ANTKMT: variants seen among roughly 807,000 people sequenced by gnomAD.
ANTKMT encodes adenine nucleotide translocase lysine N-methyltransferase.
In ANTKMT, 24 loss-of-function variants were observed where a neutral mutation model predicts 20.7. That is an observed-to-expected ratio of 1.16 (90% CI 0.84 to 1.63). The LOEUF (loss-of-function observed/expected upper bound fraction) is 1.63, where lower values mean the gene tolerates loss of function less well. ANTKMT is among the 40% of genes most tolerant of loss of function. The probability of loss-of-function intolerance (pLI) is 0.00; values close to 1 mark genes in which losing one functional copy is unlikely to be tolerated. For missense variants in ANTKMT, 428 were observed against 334.8 expected (o/e 1.28, Z -2.17); for synonymous variants, 193 against 161.2 (o/e 1.20, Z -1.49).
At position 721,658 on chromosome 16, in the gene ANTKMT, C is replaced by T. The variant is rs1184804331; in HGVS notation, c.223C>T (p.Arg75Cys). 8.4e-6 allele frequency: 13 copies of T among 1,550,614 alleles called. No homozygotes were observed. The highest frequency in any genetic ancestry group is 1.1e-5 in the Non-Finnish European group (13 of 1,148,124). The change falls in exon 2 of 5, where the codon CGC (arginine) becomes TGC (cysteine). Residue 75 changes from arginine to cysteine, a missense_variant. Transcript: ENST00000569529. ...VEHVLSLLRG[R>C]PGKTVDLGSG... ...GCACGTGTTGTCGCTGCTGCGAGGA[C>T]GCCCCGGAAAAACGGTGGATCTGGG...
Position 721,829 on chromosome 16 carries a change from GC to G in ANTKMT, c.299del (p.Pro100ArgfsTer7), listed in dbSNP as rs1385998763. 4 of 1,557,034 alleles carry G rather than the reference GC, an allele frequency of 2.6e-6. No homozygotes were observed. Among genetic ancestry groups the G allele is most frequent in the Non-Finnish European group, 3.5e-6 (4 of 1,155,976 alleles). On this transcript the variant is annotated frameshift_variant, in exon 3 of 5. Coordinates refer to ENST00000569529, the MANE Select transcript of ANTKMT (RefSeq NM_023933.3). LOFTEE classifies it high-confidence loss of function. ...CTGGCGGCCCACAGGTGCGGCCTCC[GC>G]CCGGCCGTGGGCTACGAGCTGAACC... Reference protein sequence around the residue: ...IVLAAHRCGLRPAVGYELNPW... With the variant: ...IVLAAHRCGLXPAVGYELNPW...
In ANTKMT at chr16:721,845, C is replaced by G; in HGVS notation, c.312C>G (p.Tyr104Ter). 1 of 1,562,518 alleles carries G rather than the reference C, an allele frequency of 6.4e-7. No homozygotes were observed. Among genetic ancestry groups the G allele is most frequent in the Non-Finnish European group, 8.6e-7 (1 of 1,160,004 alleles). ...GCGGCCTCCGCCCGGCCGTGGGCTA[C>G]GAGCTGAACCCCTGGCTGGTGGCGC... ...HRCGLRPAVG[Y>*]ELNPWLVALA... Residue 104 changes from tyrosine (Y) to a stop codon, truncating the protein, a stop_gained, in exon 3 of 5, where the codon TAC becomes TAG. Transcript: ENST00000569529. LOFTEE classifies it high-confidence loss of function.
chr16:721,804 C>T lies in ANTKMT; in HGVS notation c.271C>T (p.Leu91=), dbSNP rs1246406637. ...CCCACACTCTCGGTGCCCACAGGTGCTGGCGGCCCACAGGTGCGGCCTCCG... is the reference window on the plus strand; with the variant it reads ...CCCACACTCTCGGTGCCCACAGGTGTTGGCGGCCCACAGGTGCGGCCTCCG... The part of the protein sequence containing the change: ...DLGSGDGRIV[L]AAHRCGLRPA... The change falls in exon 3 of 5, where the codon CTG becomes TTG. Residue 91 remains leucine (L), a synonymous_variant. Coordinates refer to ENST00000569529, the MANE Select transcript of ANTKMT (RefSeq NM_023933.3). 8 of 1,545,788 alleles carry T rather than the reference C, an allele frequency of 5.2e-6. No individual in the cohort carries two copies. The highest frequency in any genetic ancestry group is 4.0e-5 in the Admixed American group (2 of 50,366).
rs1347387046 is a variant in ANTKMT, at chr16:721,703, G to GT, written c.267+2dup. On this transcript the variant is annotated splice_donor_variant, in intron 2 of 4. Coordinates refer to ENST00000569529, the MANE Select transcript of ANTKMT (RefSeq NM_023933.3). LOFTEE classifies it high-confidence loss of function. ...TCTGGGCTCTGGCGACGGCAGGATC[G>GT]TAAGTGCCTGCGTCTGGGTCTTCGC... The GT allele has an allele frequency of 2.6e-6, 4 of 1,548,632 alleles. No homozygotes were observed. The highest frequency in any genetic ancestry group is 2.5e-5 in the East Asian group (1 of 40,712).
Position 721,391 on chromosome 16 carries a change from G to C in ANTKMT, c.117G>C (p.Ala39=), listed in dbSNP as rs763369945. Residue 39 remains alanine (A), a synonymous_variant, in exon 1 of 5, where the codon GCG becomes GCC. Coordinates refer to ENST00000569529, the MANE Select transcript of ANTKMT (RefSeq NM_023933.3). The part of the protein sequence containing the change: ...GSGLAAYAVW[A]LLLQPGFRRV... ...GCTTGGCAGCCTACGCGGTGTGGGC[G>C]CTGCTGCTCCAGCCCGGCTTCCGGC... The C allele has an allele frequency of 1.2e-5, 15 of 1,294,262 alleles. No homozygotes were observed. The South Asian group carries it at 3.1e-4, about 27-fold the overall frequency. 80.2% of individuals were successfully genotyped at this position (1,294,262 alleles called of 1,614,324 possible).
chr16:721,356 G>A lies in ANTKMT; in HGVS notation c.82G>A (p.Ala28Thr), dbSNP rs1198680436. 2.2e-6 allele frequency: 3 copies of A among 1,335,192 alleles called. No homozygotes were observed. Among genetic ancestry groups the A allele is most frequent in the South Asian group, 1.9e-5 (1 of 54,024 alleles). The allele number at this position is 1,335,192 out of a possible 1,614,324, so 82.7% of individuals were successfully genotyped here. A position where few individuals can be genotyped will look rare whatever the true frequency, so the allele number is the denominator to read the frequency against. Reference protein sequence around the residue: ...LGALELLQAAAGSGLAAYAVW... With the variant: ...LGALELLQAATGSGLAAYAVW... ...CGCGCTGGAGCTGCTGCAGGCGGCG[G>A]CCGGCTCGGGCTTGGCAGCCTACGC... The change falls in exon 1 of 5, where the codon GCC (alanine) becomes ACC (threonine). Residue 28 changes from alanine to threonine, a missense_variant. Physicochemically the swap from Ala to Thr is moderately conservative, Grantham distance 58. Transcript: ENST00000569529.
In ANTKMT at chr16:722,078, C is replaced by T. The variant is rs781490552; in HGVS notation, c.409-6C>T. ...TCCCCGGCCGGGGCGACTTCTCTTC[C>T]GGCAGGTGAGCCTGAGGGACTGCCG... On this transcript the variant is annotated splice_polypyrimidine_tract_variant and splice_region_variant and intron_variant, in intron 3 of 4. Transcript: ENST00000569529. 35 of 1,603,382 alleles carry T rather than the reference C, an allele frequency of 2.2e-5. No individual in the cohort carries two copies. The highest frequency in any genetic ancestry group is 2.1e-4 in the South Asian group (19 of 89,398).
intron 4 of ANTKMT, 84 bp downstream of exon 4, chr16:722,218 T>G: frequency 6.3e-7 from 1 of 1,586,308 alleles, no homozygotes; most frequent in Non-Finnish European, 8.6e-7. Context: ...GCCTGCCTGG[T>G]GGGTGCTAGG....
In ANTKMT at chr16:721,366, G is replaced by T; in HGVS notation, c.92G>T (p.Gly31Val). 7.5e-7 allele frequency: 1 copy of T among 1,333,434 alleles called. No individual in the cohort carries two copies. Among genetic ancestry groups the T allele is most frequent in the Non-Finnish European group, 9.6e-7 (1 of 1,045,940 alleles). 82.6% of individuals were successfully genotyped at this position (1,333,434 alleles called of 1,614,324 possible). ...CTGCTGCAGGCGGCGGCCGGCTCGG[G>T]CTTGGCAGCCTACGCGGTGTGGGCG... Reference protein sequence around the residue: ...LELLQAAAGSGLAAYAVWALL... With the variant: ...LELLQAAAGSVLAAYAVWALL... Residue 31 changes from glycine to valine, a missense_variant, in exon 1 of 5, where the codon GGC (glycine) becomes GTC (valine). Gly to Val is a moderately radical substitution (Grantham distance 109). Coordinates refer to ENST00000569529, the MANE Select transcript of ANTKMT (RefSeq NM_023933.3).
chr16:721,157 C>T lies in ANTKMT; in HGVS notation c.-118C>T. The T allele has an allele frequency of 9.5e-7, 1 of 1,053,474 alleles. No homozygotes were observed. The highest frequency in any genetic ancestry group is 1.2e-6 in the Non-Finnish European group (1 of 836,616). The allele number at this position is 1,053,474 out of a possible 1,614,324, so 65.3% of individuals were successfully genotyped here. ...AGGCTCTGCCGGCCACTTCCGGTGT[C>T]GCGCGGCGGCTCCCGGCAGGAGGCA... On this transcript the variant is annotated 5_prime_UTR_variant, in exon 1 of 5. Coordinates refer to ENST00000569529, the MANE Select transcript of ANTKMT (RefSeq NM_023933.3).
chr16:722,556 G>A lies in ANTKMT; in HGVS notation c.707G>A (p.Ter236=), dbSNP rs1219027865. The A allele has an allele frequency of 4.3e-6, 6 of 1,408,416 alleles. No homozygotes were observed. Among genetic ancestry groups the A allele is most frequent in the South Asian group, 1.1e-5 (1 of 88,640 alleles). 87.2% of individuals were successfully genotyped at this position (1,408,416 alleles called of 1,614,324 possible). A position where few individuals can be genotyped will look rare whatever the true frequency, so the allele number is the denominator to read the frequency against. ...GGGGGCCTTATTTCTCAGGCCAGCT[G>A]AGTATTAGACACGATAAAGACTCTG... The part of the protein sequence containing the change: ...IPGGLISQAS[*] The change falls in exon 5 of 5, where the codon TGA becomes TAA. Residue 236 remains the stop codon, a stop_retained_variant. Transcript: ENST00000569529.
Position 721,301 on chromosome 16 carries a change from G to C in ANTKMT, c.27G>C (p.Ala9=). MEQDDPVE[A]LTELRERRLG... The stretch of plus-strand genomic sequence containing the variant: ...TGGAGCAGGACGACCCGGTCGAGGC[G>C]CTGACGGAGCTGCGCGAGCGGCGGC... The change falls in exon 1 of 5, where the codon GCG becomes GCC. Residue 9 remains alanine, a synonymous_variant. Transcript: ENST00000569529. 1 of 1,343,488 alleles carries C rather than the reference G, an allele frequency of 7.4e-7. No individual in the cohort carries two copies. Among genetic ancestry groups the C allele is most frequent in the South Asian group, 1.8e-5 (1 of 57,106 alleles). 83.2% of individuals were successfully genotyped at this position (1,343,488 alleles called of 1,614,324 possible).
Position 721,229 on chromosome 16 carries a change from C to A in ANTKMT, c.-46C>A. ...GGCCAGGCTGCGAGGGCCGCGGACC[C>A]GAGCCGGGAAGGACCTTGGGCGGAC... On this transcript the variant is annotated 5_prime_UTR_variant, in exon 1 of 5. Coordinates refer to ENST00000569529, the MANE Select transcript of ANTKMT (RefSeq NM_023933.3). The A allele has an allele frequency of 8.2e-7, 1 of 1,224,728 alleles. No individual in the cohort carries two copies. The allele number at this position is 1,224,728 out of a possible 1,614,324, so 75.9% of individuals were successfully genotyped here.
At position 721,633 on chromosome 16, in the gene ANTKMT, G is replaced by A; in HGVS notation, c.198G>A (p.Glu66=). Residue 66 remains glutamate, a synonymous_variant, in exon 2 of 5, where the codon GAG becomes GAA. Transcript: ENST00000569529. ...TCGGCGCGAGCGCGCGGCAGGTGGA[G>A]CACGTGTTGTCGCTGCTGCGAGGAC... ...PYVGASARQV[E]HVLSLLRGRP... 2 of 1,547,822 alleles carry A rather than the reference G, an allele frequency of 1.3e-6. No individual in the cohort carries two copies. Among genetic ancestry groups the A allele is most frequent in the African/African-American group, 1.4e-5 (1 of 72,598 alleles).
intron 3 of ANTKMT, 44 bp downstream of exon 3, chr16:721,985 G>T (rs895608493): frequency 2.6e-6 from 4 of 1,556,592 alleles, no homozygotes; most frequent in Non-Finnish European, 3.5e-6. Context: ...CCCAAGGTGC[G>T]GCTGACACCT....
In ANTKMT at chr16:721,229, C is replaced by T; in HGVS notation, c.-46C>T. 9 of 1,224,728 alleles carry T rather than the reference C, an allele frequency of 7.3e-6. No homozygotes were observed. The highest frequency in any genetic ancestry group is 8.1e-6 in the Non-Finnish European group (8 of 981,682). 75.9% of individuals were successfully genotyped at this position (1,224,728 alleles called of 1,614,324 possible). ...GGCCAGGCTGCGAGGGCCGCGGACC[C>T]GAGCCGGGAAGGACCTTGGGCGGAC... On this transcript the variant is annotated 5_prime_UTR_variant, in exon 1 of 5. Transcript: ENST00000569529.
At position 722,089 on chromosome 16, in the gene ANTKMT, C is replaced by T. The variant is rs748937997; in HGVS notation, c.414C>T (p.Ser138=). Residue 138 remains serine (S), a synonymous_variant, in exon 4 of 5, where the codon AGC becomes AGT. Coordinates refer to ENST00000569529, the MANE Select transcript of ANTKMT (RefSeq NM_023933.3). ...GGCGACTTCTCTTCCGGCAGGTGAG[C>T]CTGAGGGACTGCCGCAACGTGTCTG... is the stretch of plus-strand genomic sequence containing the variant. ...CYRRKDLWKV[S]LRDCRNVSVF... is the part of the protein sequence containing the mutation. 6.8e-6 allele frequency: 11 copies of T among 1,606,568 alleles called. No homozygotes were observed. Among genetic ancestry groups the T allele is most frequent in the Admixed American group, 1.7e-5 (1 of 59,380 alleles).
Position 721,897 on chromosome 16 carries a change from G to A in ANTKMT, c.364G>A (p.Gly122Ser), listed in dbSNP as rs1337872824. ...GGCGCGGCTGCACGCCTGGAGGGCC[G>A]GCTGTGCCGGCAGCGTCTGCTATCG... ...ALARLHAWRA[G>S]CAGSVCYRRK... Residue 122 changes from glycine to serine, a missense_variant, in exon 3 of 5, where the codon GGC becomes AGC. Transcript: ENST00000569529. 1.3e-6 allele frequency: 2 copies of A among 1,571,028 alleles called. No individual in the cohort carries two copies. Among genetic ancestry groups the A allele is most frequent in the East Asian group, 2.3e-5 (1 of 43,794 alleles).
Position 722,521 on chromosome 16 carries a change from C to T in ANTKMT, c.672C>T (p.Ala224=). The T allele has an allele frequency of 1.9e-6, 3 of 1,611,416 alleles. No individual in the cohort carries two copies. Among genetic ancestry groups the T allele is most frequent in the African/African-American group, 1.3e-5 (1 of 75,014 alleles). ...PIQAAPGPSS[A]PIPGGLISQA... ...AGGCTGCCCCCGGACCTAGTTCTGC[C>T]CCCATCCCGGGGGGCCTTATTTCTC... Residue 224 remains alanine (A), a synonymous_variant, in exon 5 of 5, where the codon GCC becomes GCT. Coordinates refer to ENST00000569529, the MANE Select transcript of ANTKMT (RefSeq NM_023933.3).
Sources: gnomAD v4.1 joint callset for allele counts on GRCh38, gnomAD v4.1.1 for gene constraint, MANE v1.5 for transcripts, NCBI Gene and HGNC (gene_info 2026-07-23, HGNC 2026-07-21) for gene names.